Variants in EHMT1 observed in about 807,000 individuals in gnomAD.
EHMT1 encodes the protein euchromatic histone lysine methyltransferase 1.
Under a neutral mutation model 147.2 loss-of-function variants are expected in EHMT1, and 15 were observed. The ratio of observed to expected loss-of-function variants is 0.10; its 90% confidence interval spans 0.07 to 0.16. EHMT1 has a LOEUF of 0.16. Ranked by LOEUF, EHMT1 falls within the 10% of genes least tolerant of loss-of-function variation. The probability of loss-of-function intolerance (pLI) is 1.00; values close to 1 mark genes in which losing one functional copy is unlikely to be tolerated. For missense variants in EHMT1, 1,587 were observed against 1,772.4 expected, an observed-to-expected ratio of 0.90 and a Z score of 1.88; for synonymous variants, 795 against 709.6, an observed-to-expected ratio of 1.12 and a Z score of -1.91.
chr9:137,741,093 C>T lies in EHMT1; in HGVS notation c.824-2278C>T, dbSNP rs188483714. On this transcript the variant is annotated intron_variant, in intron 4 of 26. Coordinates refer to ENST00000460843, the MANE Select transcript of EHMT1 (RefSeq NM_024757.5). ...CCGGGTTCACGCCATTCTCCTGCCT[C>T]AGCCTCCCGAGTAGCTGGGACTACA... is the stretch of plus-strand genomic sequence containing the variant. Among the ~76,000 whole-genome samples, 1,189 of 152,238 alleles carry T rather than the reference C, an allele frequency of 7.8e-3. 23 individuals carry two copies. The highest frequency in any genetic ancestry group is 0.027 in the African/African-American group (1,134 of 41,492).
chr9:137,780,298 GCTGAGATGTGTGGTGATGACGGCATCA>G (rs1313964189), intron 14 of EHMT1, among the ~76,000 whole-genome samples: 3 of 143,560 alleles, frequency 2.1e-5, no homozygotes, highest in South Asian at 2.4e-4. Flanking sequence ...TGGTGATGAC[GCTGAGATGTGTGGTGATGACGGCATCA>G]CTGAGATGTG....
rs569211973 is a variant in EHMT1, at chr9:137,678,074, T to TAAC, written c.22-32891_22-32890insCAA. Among the ~76,000 whole-genome samples the TAAC allele has an allele frequency of 1.3e-4, 19 of 149,080 alleles. No homozygotes were observed. The East Asian group carries it at 3.3e-3, about 26-fold the overall frequency. The stretch of plus-strand genomic sequence containing the variant: ...ACAGAGCGAGACTCCGTCTCAAAAA[T>TAAC]AATAATAATAATAATAATGTTGTCA... On this transcript the variant is annotated intron_variant, in intron 1 of 26. Transcript: ENST00000460843.
At chr9:137,796,682 C>T (rs1282302278) in intron 16 of EHMT1, among the ~76,000 whole-genome samples, 13 of 131,240 alleles carry the variant, frequency 9.9e-5, no homozygotes, top group South Asian at 2.4e-4. Flanking sequence ...CCAGCCTGGG[C>T]GACAGAGCCA....
At chr9:137,823,107 T>G (rs1325533724) in intron 25 of EHMT1, among the ~76,000 whole-genome samples, 1 of 148,942 alleles carries the variant, frequency 6.7e-6, no homozygotes, top group Non-Finnish European at 1.5e-5. Context: ...ATTGTTTTTT[T>G]TTTTTTTTTG....
chr9:137,619,215 C>T (rs1842793872), intron 1 of EHMT1, among the ~76,000 whole-genome samples, 166 bp downstream of exon 1: 1 of 140,666 alleles, frequency 7.1e-6, no homozygotes, highest in Non-Finnish European at 1.6e-5. Context: ...AGGCCGAGGC[C>T]GGGCCGAGGC....
chr9:137,646,552 C>G (rs1481781537), intron 1 of EHMT1: 14 of 680,058 alleles, frequency 2.1e-5, no homozygotes, highest in Non-Finnish European at 2.5e-5. Context: ...GGGGGAGGCC[C>G]CCGAGCGTGT....
intron 1 of EHMT1, among the ~76,000 whole-genome samples, chr9:137,656,407 A>G (rs577606614): frequency 2.6e-5 from 4 of 152,338 alleles, no homozygotes; most frequent in South Asian, 4.1e-4. Context: ...ACAAAAATGT[A>G]TAGCTATGAA....
At chr9:137,633,851 C>T (rs1334077205) in intron 1 of EHMT1, among the ~76,000 whole-genome samples, 4 of 147,560 alleles carry the variant, frequency 2.7e-5, no homozygotes, top group South Asian at 2.1e-4. Flanking sequence ...GAGACAGTCT[C>T]GCTCTTGTCG....
chr9:137,666,736 T>G (rs1939702959), intron 1 of EHMT1, among the ~76,000 whole-genome samples: 1 of 152,188 alleles, frequency 6.6e-6, no homozygotes, highest in African/African-American at 2.4e-5. Flanking sequence ...TGTCTGCGTG[T>G]TCATTGGGAG....
intron 13 of EHMT1, 88 bp downstream of exon 13, chr9:137,778,143 T>A: frequency 1.3e-6 from 2 of 1,507,138 alleles, no homozygotes; most frequent in Middle Eastern, 1.7e-4. Flanking sequence ...ACTTTAGCAC[T>A]TCTCAGCTTT....
chr9:137,760,596 C>T (rs1174073582), intron 9 of EHMT1, among the ~76,000 whole-genome samples: 3 of 152,204 alleles, frequency 2.0e-5, no homozygotes, highest in Non-Finnish European at 2.9e-5. Flanking sequence ...GGACCGTTCA[C>T]GTGCTTTTTG....
intron 4 of EHMT1, 23 bp downstream of exon 4, chr9:137,728,552 C>T: frequency 6.2e-7 from 1 of 1,613,982 alleles, no homozygotes; most frequent in African/African-American, 1.3e-5. Flanking sequence ...CGGCAACTGT[C>T]TCTGCTCTTT....
chr9:137,773,024 A>G (rs1226476174), intron 10 of EHMT1, among the ~76,000 whole-genome samples: 1 of 152,154 alleles, frequency 6.6e-6, no homozygotes, highest in Non-Finnish European at 1.5e-5. Flanking sequence ...CCAGAATCAT[A>G]CAGCATTATC....
chr9:137,660,238 G>A (rs1395737160), intron 1 of EHMT1, among the ~76,000 whole-genome samples: 1 of 151,928 alleles, frequency 6.6e-6, no homozygotes, highest in Non-Finnish European at 1.5e-5. Context: ...AGGCTGAGGT[G>A]GGAGGATGAC....
At chr9:137,724,119 C>T (rs1476874445) in intron 3 of EHMT1, among the ~76,000 whole-genome samples, 1 of 152,216 alleles carries the variant, frequency 6.6e-6, no homozygotes, top group East Asian at 1.9e-4. Flanking sequence ...GTGTGTGTTT[C>T]CACACCTCAC....
intron 1 of EHMT1, among the ~76,000 whole-genome samples, chr9:137,662,053 C>T (rs535356726): frequency 3.3e-5 from 5 of 152,268 alleles, no homozygotes; most frequent in East Asian, 3.9e-4. Flanking sequence ...CTGCCCACCT[C>T]GGCCTCCCAA....
intron 1 of EHMT1, among the ~76,000 whole-genome samples, chr9:137,639,046 G>C (rs1844293436): frequency 6.6e-6 from 1 of 152,000 alleles, no homozygotes. Context: ...TTGATATGTT[G>C]TATTTTCATT....
At chr9:137,734,335 A>G (rs946344627) in intron 4 of EHMT1, among the ~76,000 whole-genome samples, 2 of 152,260 alleles carry the variant, frequency 1.3e-5, no homozygotes, top group African/African-American at 2.4e-5. Context: ...GCTAAAAAGT[A>G]TAATAAGTGA....
intron 3 of EHMT1, among the ~76,000 whole-genome samples, chr9:137,724,638 C>T (rs1055446277): frequency 1.3e-5 from 2 of 152,168 alleles, no homozygotes; most frequent in South Asian, 2.1e-4. Context: ...ACTTTGAAAG[C>T]GCATTTTGTG....
Sources: allele counts gnomAD v4.1 joint callset (sites outside exome capture counted in the v4.1 genomes callset), GRCh38; gene constraint gnomAD v4.1.1; transcripts MANE v1.5; gene names NCBI Gene and HGNC (gene_info 2026-07-23, HGNC 2026-07-21).